The following PLEKHA5 variants were observed in gnomAD, a reference collection of about 807,000 sequenced individuals.
The protein encoded by PLEKHA5 is pleckstrin homology domain containing A5.
Under a neutral mutation model 181.9 loss-of-function variants are expected in PLEKHA5, and 55 were observed. That is an observed-to-expected ratio of 0.30 (90% CI 0.24 to 0.38). PLEKHA5 has a LOEUF of 0.38. Ranked by LOEUF, PLEKHA5 falls within the 10% of genes least tolerant of loss-of-function variation. The probability of loss-of-function intolerance (pLI) is 1.00; values close to 1 mark genes in which losing one functional copy is unlikely to be tolerated. For missense variants in PLEKHA5, 1,432 were observed against 1,549.5 expected (o/e 0.92, Z 1.27); for synonymous variants, 535 against 529.4 (o/e 1.01, Z -0.15).
At chr12:19,316,406 G>A (rs1020436664) in intron 16 of PLEKHA5, among the ~76,000 whole-genome samples, 2 of 150,438 alleles carry the variant, frequency 1.3e-5, no homozygotes, top group African/African-American at 2.5e-5. Context: ...CCAAAGTGTG[G>A]AGATCTGAAA....
intron 3 of PLEKHA5, among the ~76,000 whole-genome samples, chr12:19,206,560 G>C (rs1487568773): frequency 1.3e-5 from 2 of 152,040 alleles, no homozygotes; most frequent in African/African-American, 2.4e-5. Context: ...CTTTAAAGAG[G>C]TCTAGAAAAA....
chr12:19,169,963 T>C (rs1351440086), intron 3 of PLEKHA5, among the ~76,000 whole-genome samples: 1 of 152,342 alleles, frequency 6.6e-6, no homozygotes, highest in East Asian at 1.9e-4. Flanking sequence ...TCACTATCTG[T>C]AGAGAAAAGG....
intron 3 of PLEKHA5, among the ~76,000 whole-genome samples, chr12:19,245,737 A>C (rs1026137284): frequency 6.3e-4 from 95 of 150,660 alleles, no homozygotes; most frequent in African/African-American, 1.9e-3. Context: ...AAAAAAAAAA[A>C]AAAAAAAAAA....
At chr12:19,254,078 T>C (rs2066157908) in intron 4 of PLEKHA5, 55 bp downstream of exon 4, 1 of 992,022 alleles carries the variant, frequency 1.0e-6, no homozygotes, top group African/African-American at 1.6e-5. Flanking sequence ...AGCATTGAAA[T>C]TGCTGTTATT....
chr12:19,190,214 T>C (rs1430831018), intron 3 of PLEKHA5, among the ~76,000 whole-genome samples: 1 of 152,222 alleles, frequency 6.6e-6, no homozygotes, highest in Non-Finnish European at 1.5e-5. Flanking sequence ...TTACTGGTAA[T>C]TATATTTTCA....
At chr12:19,185,686 G>A (rs942489730) in intron 3 of PLEKHA5, among the ~76,000 whole-genome samples, 13 of 152,046 alleles carry the variant, frequency 8.6e-5, no homozygotes. Flanking sequence ...GTTATTTGAG[G>A]CTGGAAGAGT....
chr12:19,182,657 C>T (rs1006412478), intron 3 of PLEKHA5, among the ~76,000 whole-genome samples: 1 of 152,092 alleles, frequency 6.6e-6, no homozygotes, highest in Non-Finnish European at 1.5e-5. Context: ...TGCATTATTG[C>T]CGTCAGAATT....
chr12:19,267,915 G>A (rs1218089189), intron 8 of PLEKHA5, among the ~76,000 whole-genome samples: 2 of 151,972 alleles, frequency 1.3e-5, no homozygotes, highest in Admixed American at 6.6e-5. Context: ...AGCCGAGATC[G>A]CGCCATTGCA....
chr12:19,297,385 G>C (rs1346966920), intron 15 of PLEKHA5, among the ~76,000 whole-genome samples: 1 of 151,650 alleles, frequency 6.6e-6, no homozygotes, highest in Non-Finnish European at 1.5e-5. Context: ...CACTTTGGGA[G>C]GCCGAGGCAG....
intron 12 of PLEKHA5, among the ~76,000 whole-genome samples, chr12:19,285,054 A>G (rs955218805): frequency 2.6e-5 from 4 of 152,224 alleles, no homozygotes; most frequent in African/African-American, 9.6e-5. Flanking sequence ...ATTTCCATAA[A>G]TAAGCATTTG....
At chr12:19,306,773 T>A in intron 15 of PLEKHA5, 9 of 926,934 alleles carry the variant, frequency 9.7e-6, no homozygotes, top group Non-Finnish European at 1.6e-5. Flanking sequence ...GCAATCTCGT[T>A]AAATTCCATG....
At chr12:19,137,465 C>G (rs1006672764) in intron 3 of PLEKHA5, among the ~76,000 whole-genome samples, 4 of 152,130 alleles carry the variant, frequency 2.6e-5, no homozygotes, top group African/African-American at 9.7e-5. Flanking sequence ...ATATGTGATT[C>G]CTTACATTGA....
chr12:19,214,332 A>G (rs1335103920), intron 3 of PLEKHA5, among the ~76,000 whole-genome samples: 1 of 152,228 alleles, frequency 6.6e-6, no homozygotes, highest in African/African-American at 2.4e-5. Flanking sequence ...AAGAGACATC[A>G]GTGACCTTTG....
chr12:19,236,710 C>T (rs1165542493), intron 3 of PLEKHA5, among the ~76,000 whole-genome samples: 2 of 152,050 alleles, frequency 1.3e-5, no homozygotes, highest in African/African-American at 4.8e-5. Context: ...GTGTTTTATC[C>T]TATGCTATAT....
chr12:19,214,583 A>G (rs74478800), intron 3 of PLEKHA5, among the ~76,000 whole-genome samples: 1 of 152,042 alleles, frequency 6.6e-6, no homozygotes, highest in African/African-American at 2.4e-5. Flanking sequence ...GGTGCCAGGG[A>G]TGTTGGGAAG....
intron 17 of PLEKHA5, 135 bp from the exon 18 acceptor site, chr12:19,320,427 T>G: frequency 2.0e-6 from 1 of 502,488 alleles, no homozygotes; most frequent in South Asian, 3.3e-5. Flanking sequence ...ATTAAACTTC[T>G]AAAAGTGTAA....
intron 3 of PLEKHA5, among the ~76,000 whole-genome samples, chr12:19,230,332 C>A (rs2060312844): frequency 6.6e-6 from 1 of 152,240 alleles, no homozygotes; most frequent in Admixed American, 6.5e-5. Flanking sequence ...GCAGGCGGAC[C>A]TGCCCACCAG....
chr12:19,369,824 G>A (rs1227974069), intron 31 of PLEKHA5, 26 bp downstream of exon 31: 5 of 1,385,174 alleles, frequency 3.6e-6, no homozygotes, highest in Non-Finnish European at 5.1e-6. Flanking sequence ...TTGCATTTGT[G>A]CTTTAGTTTT....
intron 15 of PLEKHA5, among the ~76,000 whole-genome samples, chr12:19,293,680 T>C (rs1293230174): frequency 6.6e-6 from 1 of 152,198 alleles, no homozygotes; most frequent in Non-Finnish European, 1.5e-5. Context: ...TGTAATTTAT[T>C]ACTGACCTCA....
Sources: gnomAD v4.1 joint callset for allele counts (sites outside exome capture counted in the v4.1 genomes callset) on GRCh38, gnomAD v4.1.1 for gene constraint, MANE v1.5 for transcripts, NCBI Gene and HGNC (gene_info 2026-07-23, HGNC 2026-07-21) for gene names.